TRIM72: variants seen among roughly 807,000 people sequenced by gnomAD.
TRIM72 encodes tripartite motif containing 72, also known as tripartite motif-containing protein 72.
In TRIM72, 33 loss-of-function variants were observed where a neutral mutation model predicts 31.6. The observed-to-expected ratio is 1.04, with a 90% CI of 0.79 to 1.40. The LOEUF is 1.40. TRIM72 is among the 40% of genes most tolerant of loss of function. The pLI is 0.00. For missense variants in TRIM72, 666 were observed against 682.7 expected, an observed-to-expected ratio of 0.98 and a Z score of 0.27; for synonymous variants, 301 against 314.4, an observed-to-expected ratio of 0.96 and a Z score of 0.45.
At position 31,224,477 on chromosome 16, in the gene TRIM72, C is replaced by T. The variant is rs2079547191; in HGVS notation, c.1156C>T (p.Arg386Cys). ...GCAGGGCCTGTGGCTGCTGGGGCTG[C>T]GCGAGGGCAAGATCCTGGAGGCACA... ...PSQGLWLLGLREGKILEAHVE... is the reference protein window; with the variant it reads ...PSQGLWLLGLCEGKILEAHVE... Residue 386 changes from arginine to cysteine, a missense_variant, in exon 7 of 7, where the codon CGC (arginine) becomes TGC (cysteine). By Grantham distance (180) the Arg-to-Cys change is radical (BLOSUM62 -3). Transcript: ENST00000322122. The T allele has an allele frequency of 6.8e-7, 1 of 1,476,818 alleles. No homozygotes were observed. Among genetic ancestry groups the T allele is most frequent in the Non-Finnish European group, 8.9e-7 (1 of 1,124,614 alleles). The allele number at this position is 1,476,818 out of a possible 1,614,324, so 91.5% of individuals were successfully genotyped here.
Position 31,224,880 on chromosome 16 carries a change from T to G in TRIM72, c.*125T>G. On this transcript the variant is annotated 3_prime_UTR_variant, in exon 7 of 7. Transcript: ENST00000322122. Reference sequence around the variant, plus strand: ...GCCCAGGGGGCTGGGAACTGGGGGATCTCCCAGAATACTGACAAGCGTGGG... The same window carrying G: ...GCCCAGGGGGCTGGGAACTGGGGGAGCTCCCAGAATACTGACAAGCGTGGG... 1.0e-6 allele frequency: 1 copy of G among 992,526 alleles called. No individual in the cohort carries two copies. 61.5% of individuals were successfully genotyped at this position (992,526 alleles called of 1,614,324 possible).
chr16:31,221,639 CT>C (rs2079534640), intron 5 of TRIM72, among the ~76,000 whole-genome samples: 2 of 125,196 alleles, frequency 1.6e-5, no homozygotes, highest in African/African-American at 3.1e-5. Flanking sequence ...AAGGGCATTG[CT>C]GGGAGAAGAA....
At chr16:31,214,390 T>G in intron 1 of TRIM72, 93 bp downstream of exon 1, 6 of 208,540 alleles carry the variant, frequency 2.9e-5, no homozygotes, top group East Asian at 1.1e-4. Context: ...CTCTGGAGAA[T>G]TTGGGTCCGG....
At position 31,217,130 on chromosome 16, in the gene TRIM72, G is replaced by A. The variant is rs562468524; in HGVS notation, c.391-1965G>A. ...CCGCCCCCGGGGATGTCCCGGGAAGGAGACTGATCTGGCAGCTCCTATTCA... is the reference window on the plus strand; with the variant it reads ...CCGCCCCCGGGGATGTCCCGGGAAGAAGACTGATCTGGCAGCTCCTATTCA... On this transcript the variant is annotated intron_variant, in intron 2 of 6. Coordinates refer to ENST00000322122, the MANE Select transcript of TRIM72 (RefSeq NM_001008274.4). 1.3e-5 allele frequency: 17 copies of A among 1,280,920 alleles called. No individual in the cohort carries two copies. The East Asian group carries it at 4.1e-4, about 31-fold the overall frequency. The allele number at this position is 1,280,920 out of a possible 1,614,324, so 79.3% of individuals were successfully genotyped here.
rs1004846176 is a variant in TRIM72 at position 31,224,863 on chromosome 16, G to A, written c.*108G>A. On this transcript the variant is annotated 3_prime_UTR_variant, in exon 7 of 7. Coordinates refer to ENST00000322122, the MANE Select transcript of TRIM72 (RefSeq NM_001008274.4). ...GGGAGCGGGTTGCCAGGGCCCAGGG[G>A]GCTGGGAACTGGGGGATCTCCCAGA... The A allele has an allele frequency of 1.8e-5, 21 of 1,156,044 alleles. No individual in the cohort carries two copies. Among genetic ancestry groups the A allele is most frequent in the Admixed American group, 1.7e-4 (5 of 30,192 alleles). The allele number at this position is 1,156,044 out of a possible 1,614,324, so 71.6% of individuals were successfully genotyped here.
intron 2 of TRIM72, 97 bp from the exon 3 acceptor site, chr16:31,218,998 G>A (rs916194376): frequency 1.8e-6 from 2 of 1,115,744 alleles, no homozygotes; most frequent in African/African-American, 3.1e-5. Context: ...AGGAGGAGCT[G>A]GCATTGAGGT....
rs1160718865 is a variant in TRIM72, at chr16:31,225,643, C to CTTTTTTTT, written c.*907_*914dup. 2.3e-4 allele frequency: 19 copies of CTTTTTTTT among 81,104 alleles called. No homozygotes were observed. The highest frequency in any genetic ancestry group is 9.0e-4 in the East Asian group (2 of 2,224). The allele number at this position is 81,104 out of a possible 1,614,324, so 5.0% of individuals were successfully genotyped here. A position where few individuals can be genotyped will look rare whatever the true frequency, so the allele number is the denominator to read the frequency against. ...AAATGCTCATTTCTTTTTTTTATTTCTTTTTTTTTTTTTTTTTTTTTTTTT... is the reference window on the plus strand; with the variant it reads ...AAATGCTCATTTCTTTTTTTTATTTCTTTTTTTTTTTTTTTTTTTTTTTTTTTTTTTTT... On this transcript the variant is annotated 3_prime_UTR_variant, in exon 7 of 7. Transcript: ENST00000322122.
chr16:31,223,547 C>T (rs1339793807), intron 6 of TRIM72, among the ~76,000 whole-genome samples: 2 of 152,148 alleles, frequency 1.3e-5, no homozygotes, highest in Non-Finnish European at 2.9e-5. Context: ...AGATCAGGCT[C>T]CTTGACCTTG....
At position 31,214,899 on chromosome 16, in the gene TRIM72, C is replaced by T. The variant is rs2079499683; in HGVS notation, c.161C>T (p.Pro54Leu). The T allele has an allele frequency of 6.6e-7, 1 of 1,521,162 alleles. No individual in the cohort carries two copies. Among genetic ancestry groups the T allele is most frequent in the South Asian group, 1.2e-5 (1 of 83,062 alleles). The allele number at this position is 1,521,162 out of a possible 1,614,324, so 94.2% of individuals were successfully genotyped here. ...EPAADGTVLCPCCQAPTRPQA... is the reference protein window; with the variant it reads ...EPAADGTVLCLCCQAPTRPQA... The stretch of plus-strand genomic sequence containing the variant: ...GCGGCGGATGGCACCGTTCTCTGCC[C>T]CTGCTGCCAGGCCCCCACGCGGCCG... The change falls in exon 2 of 7, where the codon CCC (proline) becomes CTC (leucine). Residue 54 changes from proline (P) to leucine (L), a missense_variant. Physicochemically the swap from Pro to Leu is moderately conservative, Grantham distance 98. Coordinates refer to ENST00000322122, the MANE Select transcript of TRIM72 (RefSeq NM_001008274.4).
At chr16:31,220,850 TCC>T (rs1324712067) in intron 4 of TRIM72, 44 bp from the exon 5 acceptor site, 4 of 1,613,778 alleles carry the variant, frequency 2.5e-6, no homozygotes, top group African/African-American at 1.3e-5. Context: ...GTTTCCAGTG[TCC>T]CCACCATCGG....
rs1048270542 is a variant in TRIM72 at position 31,224,847 on chromosome 16, T to A, written c.*92T>A. ...TGACGGGAGAAGGGTGGGGAGCGGG[T>A]TGCCAGGGCCCAGGGGGCTGGGAAC... On this transcript the variant is annotated 3_prime_UTR_variant, in exon 7 of 7. Transcript: ENST00000322122. 12 of 1,296,470 alleles carry A rather than the reference T, an allele frequency of 9.3e-6. No individual in the cohort carries two copies. The highest frequency in any genetic ancestry group is 4.6e-5 in the African/African-American group (3 of 64,940). The allele number at this position is 1,296,470 out of a possible 1,614,324, so 80.3% of individuals were successfully genotyped here. A position where few individuals can be genotyped will look rare whatever the true frequency, so the allele number is the denominator to read the frequency against.
At position 31,216,626 on chromosome 16, in the gene TRIM72, A is replaced by G; in HGVS notation, c.390+1498A>G. 1.8e-6 allele frequency: 2 copies of G among 1,082,088 alleles called. No individual in the cohort carries two copies. Among genetic ancestry groups the G allele is most frequent in the South Asian group, 3.2e-5 (2 of 61,894 alleles). The allele number at this position is 1,082,088 out of a possible 1,614,324, so 67.0% of individuals were successfully genotyped here. A position where few individuals can be genotyped will look rare whatever the true frequency, so the allele number is the denominator to read the frequency against. ...TTCGCCCCCGGGAGGGGCTGGCCGGAGGTCTGAGGGAGGACCCCAGGAGGG... is the reference window on the plus strand; with the variant it reads ...TTCGCCCCCGGGAGGGGCTGGCCGGGGGTCTGAGGGAGGACCCCAGGAGGG... On this transcript the variant is annotated intron_variant, in intron 2 of 6. Transcript: ENST00000322122. The surrounding 1 kb of genome is among the most constrained non-coding windows in gnomAD (Gnocchi z 6.7).
rs1370884209 is a variant in TRIM72 at position 31,219,276 on chromosome 16, C to A, written c.487-13C>A. The stretch of plus-strand genomic sequence containing the variant: ...GAGTCTTTATCCCTTCAATCACTGC[C>A]CCATCCCTGCAGGAGACAGTGCGTC... On this transcript the variant is annotated splice_polypyrimidine_tract_variant and intron_variant, in intron 3 of 6. Coordinates refer to ENST00000322122, the MANE Select transcript of TRIM72 (RefSeq NM_001008274.4). This position sits in a 1 kb window ranked among gnomAD's most constrained non-coding sequence, Gnocchi z 4.2. 1 of 1,614,184 alleles carries A rather than the reference C, an allele frequency of 6.2e-7. No individual in the cohort carries two copies. Among genetic ancestry groups the A allele is most frequent in the East Asian group, 2.2e-5 (1 of 44,890 alleles).
chr16:31,215,182 G>A lies in TRIM72; in HGVS notation c.390+54G>A. 3.5e-6 allele frequency: 5 copies of A among 1,421,600 alleles called. No individual in the cohort carries two copies. Among genetic ancestry groups the A allele is most frequent in the Non-Finnish European group, 4.6e-6 (5 of 1,096,150 alleles). 88.1% of individuals were successfully genotyped at this position (1,421,600 alleles called of 1,614,324 possible). On this transcript the variant is annotated intron_variant, in intron 2 of 6. Coordinates refer to ENST00000322122, the MANE Select transcript of TRIM72 (RefSeq NM_001008274.4). The surrounding 1 kb of genome is among the most constrained non-coding windows in gnomAD (Gnocchi z 6.3). ...AGGGGCTGTTCGGTGGCACGGGGCC[G>A]ATGGGGAGGTCGCTGCAGTGATTTG...
rs2079560638 is a variant in TRIM72 at position 31,228,432 on chromosome 16, A to C, written c.*3677A>C. The C allele has an allele frequency of 1.3e-5, 2 of 151,928 alleles. No homozygotes were observed. Among genetic ancestry groups the C allele is most frequent in the Non-Finnish European group, 2.9e-5 (2 of 68,046 alleles). The allele number at this position is 151,928 out of a possible 1,614,324, so 9.4% of individuals were successfully genotyped here. On this transcript the variant is annotated 3_prime_UTR_variant, in exon 7 of 7. Coordinates refer to ENST00000322122, the MANE Select transcript of TRIM72 (RefSeq NM_001008274.4). ...AAGGACTGGCCACAGTGAGGGAGGG[A>C]CCTGTGGTCTCCTGTGTTGCTCCTC...
chr16:31,224,319 C>A lies in TRIM72; in HGVS notation c.998C>A (p.Ala333Glu). The stretch of plus-strand genomic sequence containing the variant: ...CCGCGCCAGTTCGACAAGGCGGTGG[C>A]GGTGGTGGCGCACCAGCAGCTCTCC... ...EDPRQFDKAV[A>E]VVAHQQLSEG... is the part of the protein sequence containing the mutation. Residue 333 changes from alanine to glutamate, a missense_variant, in exon 7 of 7, where the codon GCG (alanine) becomes GAG (glutamate). Coordinates refer to ENST00000322122, the MANE Select transcript of TRIM72 (RefSeq NM_001008274.4). 1 of 1,596,474 alleles carries A rather than the reference C, an allele frequency of 6.3e-7. No individual in the cohort carries two copies. The highest frequency in any genetic ancestry group is 8.5e-7 in the Non-Finnish European group (1 of 1,174,624).
chr16:31,215,096 C>A lies in TRIM72; in HGVS notation c.358C>A (p.Leu120Met), dbSNP rs758668680. ...SLGSHRGHRL[L>M]PAAEAHARLK... ...CGGCTCGCACCGCGGTCATCGCCTC[C>A]TGCCTGCCGCCGAGGCCCACGCACG... The change falls in exon 2 of 7, where the codon CTG (leucine) becomes ATG (methionine). Residue 120 changes from leucine (L) to methionine (M), a missense_variant. Leu to Met is a conservative substitution (Grantham distance 15, BLOSUM62 2). Coordinates refer to ENST00000322122, the MANE Select transcript of TRIM72 (RefSeq NM_001008274.4). The surrounding 1 kb of genome is among the most constrained non-coding windows in gnomAD (Gnocchi z 6.3). 1.3e-5 allele frequency: 19 copies of A among 1,447,392 alleles called. 1 individual carries two copies. The South Asian group carries it at 2.8e-4, about 21-fold the overall frequency. 89.7% of individuals were successfully genotyped at this position (1,447,392 alleles called of 1,614,324 possible).
intron 1 of TRIM72, 59 bp downstream of exon 1, chr16:31,214,356 G>A (rs1405598474): frequency 5.3e-6 from 1 of 187,648 alleles, no homozygotes; most frequent in Non-Finnish European, 1.1e-5. Flanking sequence ...GGTAAAGTGA[G>A]GGAGGGGAGT....
chr16:31,214,690 C>T (rs2079498202), intron 1 of TRIM72, 42 bp from the exon 2 acceptor site: 1 of 1,462,736 alleles, frequency 6.8e-7, no homozygotes, highest in Non-Finnish European at 8.9e-7. Flanking sequence ...GCCGGGAGCG[C>T]GGCGCCGCGG....
Sources: gnomAD v4.1 joint callset for allele counts (sites outside exome capture counted in the v4.1 genomes callset) on GRCh38, gnomAD v4.1.1 for gene constraint, Gnocchi (gnomAD v3.1) non-coding constraint, MANE v1.5 for transcripts, NCBI Gene and HGNC (gene_info 2026-07-23, HGNC 2026-07-21) for gene names.